Variants in PFDN1 observed in about 807,000 individuals in gnomAD.
The protein encoded by PFDN1 is prefoldin 1.
PFDN1 carries 6 observed loss-of-function variants against 17.3 expected under a neutral mutation model. The observed-to-expected ratio is 0.35, with a 90% CI of 0.19 to 0.69. The LOEUF is 0.69. Ranked by LOEUF, PFDN1 falls within the 30% of genes least tolerant of loss-of-function variation. The probability of loss-of-function intolerance (pLI) is 0.65; values close to 1 mark genes in which losing one functional copy is unlikely to be tolerated. For missense variants in PFDN1, 113 were observed against 146.2 expected, an observed-to-expected ratio of 0.77 and a Z score of 1.17; for synonymous variants, 58 against 50.1, an observed-to-expected ratio of 1.16 and a Z score of -0.67.
At chr5:140,287,349 CAG>C (rs1765513095) in intron 2 of PFDN1, among the ~76,000 whole-genome samples, 1 of 152,162 alleles carries the variant, frequency 6.6e-6, no homozygotes, top group Non-Finnish European at 1.5e-5. Context: ...CAGTGATGAA[CAG>C]ACACAGAAAC....
intron 3 of PFDN1, among the ~76,000 whole-genome samples, chr5:140,274,970 G>C (rs936800539): frequency 2.1e-4 from 31 of 145,064 alleles, no homozygotes; most frequent in Middle Eastern, 7.1e-3. Flanking sequence ...CCCAGCCTGG[G>C]TAACAAAGCA....
intron 3 of PFDN1, among the ~76,000 whole-genome samples, chr5:140,257,847 G>A (rs892556668): frequency 3.9e-5 from 6 of 152,290 alleles, no homozygotes; most frequent in Admixed American, 2.6e-4. Context: ...ATTGTAATAA[G>A]GGATCTGAGG....
chr5:140,271,929 T>C (rs1765211440), intron 3 of PFDN1, among the ~76,000 whole-genome samples: 2 of 149,086 alleles, frequency 1.3e-5, no homozygotes, highest in Non-Finnish European at 3.0e-5. Flanking sequence ...CACACATATA[T>C]ATACATAAAA....
intron 3 of PFDN1, among the ~76,000 whole-genome samples, chr5:140,266,327 A>G (rs2126683798): frequency 6.6e-6 from 1 of 152,338 alleles, no homozygotes; most frequent in East Asian, 1.9e-4. Context: ...GCAGCAGCCT[A>G]TCATTAAACT....
chr5:140,291,669 C>CA (rs70988743), intron 2 of PFDN1, among the ~76,000 whole-genome samples: 7 of 144,782 alleles, frequency 4.8e-5, no homozygotes, highest in Non-Finnish European at 1.1e-4. Flanking sequence ...TACATATAGA[C>CA]AAAAAAAAAG....
chr5:140,274,747 C>T (rs909654925), intron 3 of PFDN1, among the ~76,000 whole-genome samples: 7 of 152,154 alleles, frequency 4.6e-5, no homozygotes, highest in African/African-American at 1.4e-4. Flanking sequence ...CAGCGGCTCA[C>T]GCTTGTAATC....
intron 3 of PFDN1, among the ~76,000 whole-genome samples, chr5:140,280,023 A>G (rs1170315680): frequency 2.0e-5 from 3 of 148,428 alleles, no homozygotes; most frequent in Non-Finnish European, 4.5e-5. Context: ...ACAAAAAAAG[A>G]AAAGAAAAGA....
chr5:140,258,481 G>A (rs1430807720), intron 3 of PFDN1, among the ~76,000 whole-genome samples: 2 of 150,428 alleles, frequency 1.3e-5, no homozygotes, highest in Non-Finnish European at 3.0e-5. Flanking sequence ...CACTGGATTA[G>A]AGAATACACG....
intron 2 of PFDN1, among the ~76,000 whole-genome samples, chr5:140,291,756 A>T (rs1363364250): frequency 2.0e-5 from 3 of 152,216 alleles, no homozygotes; most frequent in Non-Finnish European, 4.4e-5. Flanking sequence ...CAGTAAAGGA[A>T]GCTGAAAAGG....
intron 3 of PFDN1, 35 bp from the exon 4 acceptor site, chr5:140,246,092 G>A (rs1764825790): frequency 7.9e-7 from 1 of 1,263,700 alleles, no homozygotes; most frequent in Non-Finnish European, 1.1e-6. Flanking sequence ...GTTAGGACCA[G>A]AGTGAATGGG....
intron 1 of PFDN1, 41 bp downstream of exon 1, chr5:140,303,000 T>C (rs759708723): frequency 1.4e-6 from 2 of 1,445,844 alleles, no homozygotes; most frequent in African/African-American, 1.4e-5. Flanking sequence ...CCCCTCAGCC[T>C]CCAAAAAGAA....
At chr5:140,265,376 C>A (rs186043182) in intron 3 of PFDN1, among the ~76,000 whole-genome samples, 109 of 152,288 alleles carry the variant, frequency 7.2e-4, no homozygotes, top group African/African-American at 2.5e-3. Flanking sequence ...AGTCCACAAA[C>A]CCTGTCCCTT....
At chr5:140,291,646 T>G (rs1765582766) in intron 2 of PFDN1, among the ~76,000 whole-genome samples, 1 of 150,208 alleles carries the variant, frequency 6.7e-6, no homozygotes, top group Non-Finnish European at 1.5e-5. Flanking sequence ...GATGAGATTA[T>G]TAAGAGACTG....
chr5:140,248,093 GA>G lies in PFDN1; in HGVS notation c.286-2037del, dbSNP rs1355000311. On this transcript the variant is annotated intron_variant, in intron 3 of 3. Transcript: ENST00000261813. Reference sequence around the variant, plus strand: ...AACTCTTTTTTTTTTTTTTGAGACGGAATCTCGCACTGTTGCCCAGGCTGGA... The same window carrying G: ...AACTCTTTTTTTTTTTTTTGAGACGGATCTCGCACTGTTGCCCAGGCTGGA... Among the ~76,000 whole-genome samples the G allele has an allele frequency of 3.1e-4, 46 of 146,468 alleles. No homozygotes were observed. In the Admixed American group the frequency reaches 3.2e-3, roughly 10 times the overall value.
Position 140,289,013 on chromosome 5 carries a change from C to G in PFDN1, c.201-7480G>C, listed in dbSNP as rs1765540017. 2.6e-5 allele frequency among the ~76,000 whole-genome samples: 4 copies of G among 152,032 alleles called. No homozygotes were observed. The South Asian group carries it at 8.3e-4, about 32-fold the overall frequency. On this transcript the variant is annotated intron_variant, in intron 2 of 3. Transcript: ENST00000261813. ...AAATAATAATAATAGTTGCCAGGCA[C>G]AGTGGCTCACGCCTGTAATCCCAGC...
chr5:140,302,840 C>T (rs1165486079), intron 1 of PFDN1, among the ~76,000 whole-genome samples: 1 of 152,132 alleles, frequency 6.6e-6, no homozygotes, highest in Non-Finnish European at 1.5e-5. Context: ...CCCAGACCAA[C>T]CGGCTCCTAC....
intron 2 of PFDN1, among the ~76,000 whole-genome samples, chr5:140,299,555 C>T (rs1170669590): frequency 1.3e-5 from 2 of 151,078 alleles, no homozygotes; most frequent in Non-Finnish European, 2.9e-5. Flanking sequence ...CAGAATCACA[C>T]CACTGCACTC....
intron 1 of PFDN1, among the ~76,000 whole-genome samples, chr5:140,301,968 T>C (rs1296919574): frequency 6.6e-6 from 1 of 152,190 alleles, no homozygotes; most frequent in Non-Finnish European, 1.5e-5. Context: ...ATTTACAAGA[T>C]TCAAGACAAG....
At chr5:140,246,557 G>C (rs546525158) in intron 3 of PFDN1, among the ~76,000 whole-genome samples, 1 of 152,336 alleles carries the variant, frequency 6.6e-6, no homozygotes, top group African/African-American at 2.4e-5. Context: ...GTCTCGCATC[G>C]CACTGAGTGG....
Sources: gnomAD v4.1 joint callset for allele counts (sites outside exome capture counted in the v4.1 genomes callset) on GRCh38, gnomAD v4.1.1 for gene constraint, MANE v1.5 for transcripts, NCBI Gene and HGNC (gene_info 2026-07-23, HGNC 2026-07-21) for gene names.